Variants in MCF2L observed in about 807,000 individuals in gnomAD.
The protein encoded by MCF2L is MCF.2 cell line derived transforming sequence like, also known as guanine nucleotide exchange factor DBS.
MCF2L carries 97 observed loss-of-function variants against 153.4 expected under a neutral mutation model. The observed-to-expected ratio is 0.63, with a 90% CI of 0.54 to 0.75. The LOEUF is 0.75. MCF2L is among the 30% of genes least tolerant of loss of function. The pLI is 0.00. For synonymous variants in MCF2L, 659 were observed against 632.2 expected (o/e 1.04, Z -0.64); for missense variants, 1,347 against 1,495.2 (o/e 0.90, Z 1.64).
In MCF2L at chr13:113,027,064, T is replaced by C; in HGVS notation, c.278+2306T>C. 1 of 769,458 alleles carries C rather than the reference T, an allele frequency of 1.3e-6. No individual in the cohort carries two copies. Among genetic ancestry groups the C allele is most frequent in the South Asian group, 1.4e-5 (1 of 72,936 alleles). 47.7% of individuals were successfully genotyped at this position (769,458 alleles called of 1,614,324 possible). A position where few individuals can be genotyped will look rare whatever the true frequency, so the allele number is the denominator to read the frequency against. ...ACACCAAGTAAAAACAGAAATATCC[T>C]TAAATATGGCATCTGTATCCCGCAC... On this transcript the variant is annotated intron_variant, in intron 3 of 29. Coordinates refer to ENST00000535094, the MANE Select transcript of MCF2L (RefSeq NM_001112732.3). The surrounding 1 kb of genome is among the most constrained non-coding windows in gnomAD (Gnocchi z 4.8).
chr13:113,023,812 G>A (rs141377116), intron 2 of MCF2L, among the ~76,000 whole-genome samples: 4 of 152,264 alleles, frequency 2.6e-5, no homozygotes, highest in Admixed American at 1.3e-4. Flanking sequence ...CTGCAGTCCC[G>A]CACCTCCACC....
At chr13:112,994,119 T>C (rs940456468) in intron 1 of MCF2L, among the ~76,000 whole-genome samples, 21 of 152,198 alleles carry the variant, frequency 1.4e-4, no homozygotes, top group Middle Eastern at 3.4e-3. Flanking sequence ...GACGTCACTG[T>C]CTGTGCCGGT....
At chr13:113,072,210 C>T (rs2032987173) in intron 9 of MCF2L, among the ~76,000 whole-genome samples, 1 of 152,206 alleles carries the variant, frequency 6.6e-6, no homozygotes. Context: ...TTGCTGAGCA[C>T]ACGTATTTGA....
chr13:112,994,600 T>C (rs1172274101), intron 1 of MCF2L, among the ~76,000 whole-genome samples: 1 of 152,234 alleles, frequency 6.6e-6, no homozygotes. Context: ...ATGTGGCTGC[T>C]TGAACAGCTG....
chr13:112,940,854 T>C lies in MCF2L; in HGVS notation c.169+38483T>C, dbSNP rs76823466. Among the ~76,000 whole-genome samples the C allele has an allele frequency of 7.2e-5, 11 of 152,334 alleles. No homozygotes were observed. In the East Asian group the frequency reaches 2.1e-3, roughly 29 times the overall value. On this transcript the variant is annotated intron_variant, in intron 2 of 29. Coordinates refer to the MCF2L transcript ENST00000375608. ...CTTCATGGGCTTGCTCTGTAGTTAC[T>C]TAGCTACCTACGCAGACCCCAGCAT...
At chr13:113,093,690 G>A (rs1345964141) in intron 26 of MCF2L, 1 of 152,338 alleles carries the variant, frequency 6.6e-6, no homozygotes, top group Non-Finnish European at 1.5e-5. Flanking sequence ...GCATCTGCCT[G>A]TTTCCCTGGT....
At chr13:113,092,939 C>T (rs569554701) in intron 26 of MCF2L, among the ~76,000 whole-genome samples, 1 of 152,376 alleles carries the variant, frequency 6.6e-6, no homozygotes, top group African/African-American at 2.4e-5. Flanking sequence ...CCGCACAGGC[C>T]GGCCTCGCTG....
rs1172033106 is a variant in MCF2L, at chr13:113,088,405, G to A, written c.2767G>A (p.Glu923Lys). The A allele has an allele frequency of 5.0e-6, 8 of 1,613,916 alleles. No individual in the cohort carries two copies. The highest frequency in any genetic ancestry group is 5.9e-6 in the Non-Finnish European group (7 of 1,179,986). The change falls in exon 24 of 30, where the codon GAA becomes AAA. Residue 923 changes from glutamate (E) to lysine (K), a missense_variant and splice_region_variant. Physicochemically the swap from Glu to Lys is moderately conservative, Grantham distance 56 (BLOSUM62 1). Coordinates refer to ENST00000535094, the MANE Select transcript of MCF2L (RefSeq NM_001112732.3). ...VLTSQLQACR[E>K]ASQHRALEQS... ...GACCAGCCAGCTGCAGGCTTGTAGA[G>A]GTGAGGCTGTCTTCAAGCGATCGTT... is the stretch of plus-strand genomic sequence containing the variant.
rs780407856 is a variant in MCF2L, at chr13:113,078,346, C to T, written c.1661-17C>T. The T allele has an allele frequency of 6.2e-7, 1 of 1,609,160 alleles. No homozygotes were observed. The highest frequency in any genetic ancestry group is 8.5e-7 in the Non-Finnish European group (1 of 1,176,260). On this transcript the variant is annotated splice_polypyrimidine_tract_variant and intron_variant, in intron 13 of 29. Transcript: ENST00000535094. ...GTCAGAGGGGACTTCATGCCCCGCT[C>T]CCCTTCTTCCCAACAGGCATTCGGC...
In MCF2L at chr13:113,091,078, ACT is replaced by A. The variant is rs765879838; in HGVS notation, c.2953+1358_2953+1359del. ...CTCGCCGCCTCCCTCCGTCCTTCAC[ACT>A]CTCTCTCCGGTTGTATTTCTGCCTC... On this transcript the variant is annotated intron_variant, in intron 26 of 29. Transcript: ENST00000535094. 7 of 1,303,006 alleles carry A rather than the reference ACT, an allele frequency of 5.4e-6. No individual in the cohort carries two copies. The East Asian group carries it at 2.2e-4, about 41-fold the overall frequency. 80.7% of individuals were successfully genotyped at this position (1,303,006 alleles called of 1,614,324 possible).
chr13:112,899,258 C>A (rs746724176), intron 1 of MCF2L, among the ~76,000 whole-genome samples: 1 of 152,184 alleles, frequency 6.6e-6, no homozygotes, highest in Non-Finnish European at 1.5e-5. Flanking sequence ...CTCGCTCAGC[C>A]CAGGACCACA....
chr13:113,019,393 C>T (rs1188213106), intron 2 of MCF2L, among the ~76,000 whole-genome samples: 2 of 152,232 alleles, frequency 1.3e-5, no homozygotes, highest in East Asian at 1.9e-4. Context: ...TCCGATCCTG[C>T]GCTCCCTGAG....
intron 1 of MCF2L, among the ~76,000 whole-genome samples, chr13:112,987,603 A>G (rs112036083): frequency 2.6e-5 from 4 of 152,284 alleles, no homozygotes; most frequent in African/African-American, 2.4e-5. Context: ...GCTGCATGCA[A>G]CGTTTTCACT....
intron 2 of MCF2L, among the ~76,000 whole-genome samples, chr13:113,019,933 C>T (rs2084771277): frequency 6.6e-6 from 1 of 152,216 alleles, no homozygotes; most frequent in South Asian, 2.1e-4. Flanking sequence ...AGATAAATTT[C>T]TGTTGTTTGG....
intron 4 of MCF2L, 132 bp from the exon 5 acceptor site, chr13:113,060,460 TA>T: frequency 9.9e-7 from 1 of 1,006,310 alleles, no homozygotes; most frequent in Non-Finnish European, 1.5e-6. Flanking sequence ...TATCTCAGCA[TA>T]AACCTGCTGC....
Position 113,072,315 on chromosome 13 carries a change from C to G in MCF2L, c.997-2129C>G, listed in dbSNP as rs2032997402. On this transcript the variant is annotated intron_variant, in intron 9 of 29. Coordinates refer to ENST00000535094, the MANE Select transcript of MCF2L (RefSeq NM_001112732.3). ...TGGTTTCTTCCTTTTTGAAGATATG[C>G]CTTTTATTCTACCCCCCACCCACAA... Among the ~76,000 whole-genome samples the G allele has an allele frequency of 3.3e-5, 5 of 152,256 alleles. No individual in the cohort carries two copies. The South Asian group carries it at 1.0e-3, about 32-fold the overall frequency.
chr13:113,014,038 G>C (rs2993296), intron 1 of MCF2L, among the ~76,000 whole-genome samples: 20,459 of 151,854 alleles, frequency 0.13, 1,552 homozygotes, highest in East Asian at 0.34. Flanking sequence ...CTCCTAGCTG[G>C]TGCTGACCCC....
chr13:112,981,809 C>A (rs2082438456), intron 1 of MCF2L, among the ~76,000 whole-genome samples: 1 of 152,264 alleles, frequency 6.6e-6, no homozygotes, highest in African/African-American at 2.4e-5. Context: ...GCGTGACCCA[C>A]CTGGCATGGA....
At chr13:112,981,602 T>C (rs1052374708) in intron 1 of MCF2L, among the ~76,000 whole-genome samples, 2 of 151,980 alleles carry the variant, frequency 1.3e-5, no homozygotes, top group African/African-American at 4.8e-5. Flanking sequence ...ATCACCTGGG[T>C]GTAGTGAGAG....
Sources: gnomAD v4.1 joint callset for allele counts (sites outside exome capture counted in the v4.1 genomes callset) on GRCh38, gnomAD v4.1.1 for gene constraint, Gnocchi (gnomAD v3.1) non-coding constraint, MANE v1.5 for transcripts, NCBI Gene and HGNC (gene_info 2026-07-23, HGNC 2026-07-21) for gene names.